SEMA3A: variants seen among roughly 807,000 people sequenced by gnomAD.
SEMA3A encodes semaphorin-3A.
SEMA3A carries 29 observed loss-of-function variants against 97.9 expected under a neutral mutation model. That is an observed-to-expected ratio of 0.30 (90% CI 0.22 to 0.40). The LOEUF (loss-of-function observed/expected upper bound fraction) is 0.40, where lower values mean the gene tolerates loss of function less well. Among genes scored for constraint, SEMA3A ranks in the 10% least tolerant of loss-of-function variants. The probability of loss-of-function intolerance (pLI) is 1.00; values close to 1 mark genes in which losing one functional copy is unlikely to be tolerated. For synonymous variants in SEMA3A, 321 were observed against 323.7 expected (o/e 0.99, Z 0.09); for missense variants, 763 against 951.3 (o/e 0.80, Z 2.60).
At chr7:83,995,395 C>T (rs1044651271) in intron 12 of SEMA3A, among the ~76,000 whole-genome samples, 7 of 152,118 alleles carry the variant, frequency 4.6e-5, no homozygotes, top group Admixed American at 1.3e-4. Flanking sequence ...AACCCTAGTA[C>T]ATAACAGGCT....
At chr7:84,157,855 A>G (rs1796893467) in intron 1 of SEMA3A, among the ~76,000 whole-genome samples, 2 of 152,160 alleles carry the variant, frequency 1.3e-5, no homozygotes, top group Admixed American at 1.3e-4. Context: ...TCCACTCAGA[A>G]CTATCAGGCG....
At chr7:83,996,188 T>TATC (rs1279016581) in intron 12 of SEMA3A, among the ~76,000 whole-genome samples, 3 of 152,160 alleles carry the variant, frequency 2.0e-5, no homozygotes, top group Non-Finnish European at 4.4e-5. Context: ...TAGGCTTTTA[T>TATC]ATCTTCTGAG....
chr7:84,198,495 C>T (rs1251851631), upstream of SEMA3A, among the ~76,000 whole-genome samples: 1 of 152,168 alleles, frequency 6.6e-6, no homozygotes, highest in African/African-American at 2.4e-5. Flanking sequence ...AGCCACTGTG[C>T]CCGGCCTTAT....
chr7:84,414,534 A>T (rs1804376843), intron 1 of SEMA3A, among the ~76,000 whole-genome samples: 2 of 152,152 alleles, frequency 1.3e-5, no homozygotes, highest in Admixed American at 1.3e-4. Flanking sequence ...TGAATTTGGC[A>T]TCTTCTAAGA....
intron 3 of SEMA3A, among the ~76,000 whole-genome samples, chr7:84,202,937 T>C (rs944439869): frequency 3.9e-4 from 59 of 152,204 alleles, no homozygotes; most frequent in Non-Finnish European, 3.1e-4. Context: ...TATACTGTTA[T>C]ACTCATTTCA....
Position 84,194,774 on chromosome 7 carries a change from G to T in SEMA3A, c.-188C>A. On this transcript the variant is annotated 5_prime_UTR_variant, in exon 1 of 17. In the 5' UTR this introduces an upstream ATG that the reference lacks. Coordinates refer to ENST00000265362, the MANE Select transcript of SEMA3A (RefSeq NM_006080.3). Reference sequence around the variant, plus strand: ...CTTCTGTAACAGTCACTGAAGCACAGAAACTTCAAACCCTCCAAAAAGAAA... The same window carrying T: ...CTTCTGTAACAGTCACTGAAGCACATAAACTTCAAACCCTCCAAAAAGAAA... 2.1e-4 allele frequency: 51 copies of T among 239,502 alleles called. No homozygotes were observed. The highest frequency in any genetic ancestry group is 3.3e-4 in the South Asian group (2 of 6,078). The allele number at this position is 239,502 out of a possible 1,614,324, so 14.8% of individuals were successfully genotyped here.
At chr7:84,078,902 G>T (rs554062136) in intron 4 of SEMA3A, among the ~76,000 whole-genome samples, 1 of 151,912 alleles carries the variant, frequency 6.6e-6, no homozygotes, top group African/African-American at 2.4e-5. Flanking sequence ...CAGGCAGGGC[G>T]GTTCTTAGTT....
intron 3 of SEMA3A, among the ~76,000 whole-genome samples, chr7:84,212,037 G>A (rs1798641339): frequency 6.6e-6 from 1 of 152,172 alleles, no homozygotes; most frequent in African/African-American, 2.4e-5. Context: ...AAATATGGAA[G>A]ACGAATATTC....
chr7:84,175,302 G>T (rs552328122), intron 1 of SEMA3A, among the ~76,000 whole-genome samples: 1 of 152,054 alleles, frequency 6.6e-6, no homozygotes, highest in Non-Finnish European at 1.5e-5. Context: ...CATTAAATGG[G>T]AATTATTAAT....
chr7:84,225,383 G>A (rs1259390748), intron 3 of SEMA3A, among the ~76,000 whole-genome samples: 3 of 152,044 alleles, frequency 2.0e-5, no homozygotes, highest in African/African-American at 4.8e-5. Context: ...GTTGTGGTAA[G>A]AAATTAAAAA....
intron 4 of SEMA3A, among the ~76,000 whole-genome samples, chr7:84,065,375 C>A (rs566299518): frequency 1.4e-5 from 2 of 143,722 alleles, no homozygotes; most frequent in Non-Finnish European, 3.0e-5. Flanking sequence ...AAAGCAAGAG[C>A]AAACACATTC....
chr7:84,169,560 A>G (rs1797320992), intron 1 of SEMA3A, among the ~76,000 whole-genome samples: 1 of 149,280 alleles, frequency 6.7e-6, no homozygotes, highest in Non-Finnish European at 1.5e-5. Context: ...AATAATAATT[A>G]TATCATTTCT....
At chr7:84,377,017 G>C (rs892483247) in intron 1 of SEMA3A, among the ~76,000 whole-genome samples, 7 of 152,102 alleles carry the variant, frequency 4.6e-5, no homozygotes, top group Admixed American at 3.3e-4. Context: ...AAGCTTTTCA[G>C]TTTGATATAA....
At chr7:84,295,355 G>T (rs1800843159) in intron 3 of SEMA3A, among the ~76,000 whole-genome samples, 1 of 151,960 alleles carries the variant, frequency 6.6e-6, no homozygotes, top group South Asian at 2.1e-4. Context: ...TAGAGGTAAA[G>T]ATTTCCGTCA....
chr7:84,125,202 CATT>C (rs779500596), intron 3 of SEMA3A, among the ~76,000 whole-genome samples: 24 of 151,980 alleles, frequency 1.6e-4, no homozygotes, highest in Non-Finnish European at 3.2e-4. Context: ...TTTTTGAAAA[CATT>C]ATTAAGGCAA....
At chr7:84,129,257 T>C (rs1053092697) in intron 2 of SEMA3A, 72 bp from the exon 3 acceptor site, 6 of 1,238,692 alleles carry the variant, frequency 4.8e-6, no homozygotes, top group African/African-American at 3.0e-5. Context: ...TATAGTCTTT[T>C]AGATGACATT....
chr7:84,116,191 T>G (rs1795425274), intron 3 of SEMA3A, among the ~76,000 whole-genome samples: 1 of 152,162 alleles, frequency 6.6e-6, no homozygotes, highest in South Asian at 2.1e-4. Flanking sequence ...GAAGTCTGTT[T>G]TATAGTTATA....
In SEMA3A at chr7:84,026,473, A is replaced by C. The variant is rs1179233819; in HGVS notation, c.668-12122T>G. Among the ~76,000 whole-genome samples, 3 of 152,288 alleles carry C rather than the reference A, an allele frequency of 2.0e-5. No individual in the cohort carries two copies. In the East Asian group the frequency reaches 5.8e-4, roughly 29 times the overall value. On this transcript the variant is annotated intron_variant, in intron 6 of 16. Coordinates refer to ENST00000265362, the MANE Select transcript of SEMA3A (RefSeq NM_006080.3). ...AGTCCCCTGCTTTGAACTACCATGC[A>C]ACCCAGTGAACCCATTACTAGGTAT...
chr7:83,971,820 T>C (rs1788926875), intron 15 of SEMA3A, among the ~76,000 whole-genome samples: 1 of 152,190 alleles, frequency 6.6e-6, no homozygotes, highest in South Asian at 2.1e-4. Context: ...TGGCTAAAAT[T>C]TTAATTTTAA....
Sources: allele counts gnomAD v4.1 joint callset (sites outside exome capture counted in the v4.1 genomes callset), GRCh38; gene constraint gnomAD v4.1.1; transcripts MANE v1.5; gene names NCBI Gene and HGNC (gene_info 2026-07-23, HGNC 2026-07-21).